Variants in UPK1A observed in about 807,000 individuals in gnomAD.
The protein encoded by UPK1A is uroplakin-1a.
A neutral mutation model predicts 32.3 loss-of-function variants in UPK1A; 31 were observed. The observed-to-expected ratio is 0.96, with a 90% CI of 0.72 to 1.30. The LOEUF is 1.30. UPK1A is among the 50% of genes most tolerant of loss of function. The pLI, the probability that UPK1A is intolerant of heterozygous loss-of-function variation, is 0.00. For synonymous variants in UPK1A, 135 were observed against 137.1 expected, an observed-to-expected ratio of 0.98 and a Z score of 0.11; for missense variants, 340 against 357.4, an observed-to-expected ratio of 0.95 and a Z score of 0.39.
intron 1 of UPK1A, 81 bp from the exon 2 acceptor site, chr19:35,666,728 C>G (rs890217656): frequency 2.8e-6 from 4 of 1,437,172 alleles, no homozygotes; most frequent in Non-Finnish European, 3.9e-6. Context: ...AGCAACCCCT[C>G]GAAGCCAGGG....
At chr19:35,673,359 G>A (rs1420607968) in intron 4 of UPK1A, 53 bp downstream of exon 4, 3 of 1,611,544 alleles carry the variant, frequency 1.9e-6, no homozygotes, top group Non-Finnish European at 2.5e-6. Flanking sequence ...AGGGGCGAGG[G>A]TCCCGGCGCG....
intron 5 of UPK1A, among the ~76,000 whole-genome samples, chr19:35,675,068 A>G (rs1968161416): frequency 6.6e-6 from 1 of 151,604 alleles, no homozygotes; most frequent in African/African-American, 2.4e-5. Context: ...AAGAAGAAGA[A>G]ATTGAGGACT....
At chr19:35,677,940 G>A in intron 7 of UPK1A, 35 bp from the exon 8 acceptor site, 2 of 1,586,066 alleles carry the variant, frequency 1.3e-6, no homozygotes, top group Non-Finnish European at 1.7e-6. Context: ...GGGGGTGGGG[G>A]GCGGAGTGCC....
At chr19:35,671,386 CAAA>C (rs370178140) in intron 3 of UPK1A, among the ~76,000 whole-genome samples, 1 of 88,692 alleles carries the variant, frequency 1.1e-5, no homozygotes. Context: ...GACTCTGTCT[CAAA>C]AAAAAAAAAA....
intron 5 of UPK1A, among the ~76,000 whole-genome samples, chr19:35,674,451 A>G (rs1440749293): frequency 6.6e-6 from 1 of 151,692 alleles, no homozygotes; most frequent in Non-Finnish European, 1.5e-5. Context: ...GTTAGCCAGG[A>G]TGGTCTTGAT....
intron 3 of UPK1A, among the ~76,000 whole-genome samples, chr19:35,669,319 A>G (rs1334781444): frequency 6.6e-6 from 1 of 151,872 alleles, no homozygotes; most frequent in Non-Finnish European, 1.5e-5. Context: ...AGAATAACCC[A>G]TACTTCCCAA....
chr19:35,669,161 A>T (rs1968047838), intron 3 of UPK1A, among the ~76,000 whole-genome samples: 1 of 152,148 alleles, frequency 6.6e-6, no homozygotes, highest in Admixed American at 6.6e-5. Context: ...AGATACTGTC[A>T]TCATCATGAC....
At position 35,676,223 on chromosome 19, in the gene UPK1A, C is replaced by T. The variant is rs114815955; in HGVS notation, c.648+204C>T. 635 of 682,868 alleles carry T rather than the reference C, an allele frequency of 9.3e-4. 3 individuals are homozygous for T. The highest frequency in any genetic ancestry group is 8.6e-3 in the African/African-American group (456 of 52,976). 42.3% of individuals were successfully genotyped at this position (682,868 alleles called of 1,614,324 possible). ...TTTTTTTTTTCAAGACCGAGTCCTGCTCTGTCACCCAGGCTGGAGTACAGT... is the reference window on the plus strand; with the variant it reads ...TTTTTTTTTTCAAGACCGAGTCCTGTTCTGTCACCCAGGCTGGAGTACAGT... On this transcript the variant is annotated intron_variant, in intron 6 of 7. Transcript: ENST00000617999.
intron 6 of UPK1A, 172 bp downstream of exon 6, chr19:35,676,191 C>CTT: frequency 2.6e-6 from 2 of 773,696 alleles, no homozygotes; most frequent in Non-Finnish European, 3.9e-6. Context: ...TTCTTTCTTT[C>CTT]TTTCTTTTTT....
chr19:35,671,319 G>A (rs1412355851), intron 3 of UPK1A, among the ~76,000 whole-genome samples: 2 of 142,226 alleles, frequency 1.4e-5, no homozygotes, highest in African/African-American at 5.3e-5. Flanking sequence ...CCCGGGAGGC[G>A]CAGCTTGCAG....
intron 2 of UPK1A, among the ~76,000 whole-genome samples, chr19:35,667,304 GTTTTTTGTTTTGTTT>G (rs1411261163): frequency 1.5e-5 from 2 of 136,190 alleles, no homozygotes; most frequent in African/African-American, 5.8e-5. Flanking sequence ...TTGGTTTTGT[GTTTTTTGTTTTGTTT>G]TGTTTTGTTT....
At position 35,673,553 on chromosome 19, in the gene UPK1A, G is replaced by T. The variant is rs780167783; in HGVS notation, c.468+8G>T. ...GACCGCGTCATGATTGAGGTGGGCG[G>T]GGTGGACCGGGTGCTGGGAGGGCCC... On this transcript the variant is annotated splice_region_variant and intron_variant, in intron 5 of 7. Coordinates refer to ENST00000617999, the Ensembl canonical transcript of UPK1A. 6 of 1,612,146 alleles carry T rather than the reference G, an allele frequency of 3.7e-6. No homozygotes were observed. In the Admixed American group the frequency reaches 1.0e-4, roughly 27 times the overall value.
chr19:35,676,878 G>A (rs902593618), intron 6 of UPK1A, among the ~76,000 whole-genome samples: 5 of 150,926 alleles, frequency 3.3e-5, no homozygotes, highest in Non-Finnish European at 5.9e-5. Context: ...CAGCCTGGGC[G>A]ACAGAGTGAA....
intron 3 of UPK1A, among the ~76,000 whole-genome samples, chr19:35,672,345 T>C (rs1968114379): frequency 6.6e-6 from 1 of 152,072 alleles, no homozygotes; most frequent in Admixed American, 6.6e-5. Context: ...CATTGCAACC[T>C]CTGCCTCCTG....
intron 3 of UPK1A, 68 bp from the exon 4 acceptor site, chr19:35,673,164 A>G: frequency 6.5e-7 from 1 of 1,535,680 alleles, no homozygotes; most frequent in South Asian, 1.1e-5. Context: ...TTCCCCAGTG[A>G]TGCTTCCCTG....
At chr19:35,667,491 C>G (rs78390914) in intron 2 of UPK1A, among the ~76,000 whole-genome samples, 15,021 of 146,394 alleles carry the variant, frequency 0.1, 878 homozygotes, top group East Asian at 0.23. Flanking sequence ...CACCACCACG[C>G]CCGGCTAATT....
chr19:35,677,433 G>C (rs1599633887), intron 6 of UPK1A, among the ~76,000 whole-genome samples: 1 of 151,984 alleles, frequency 6.6e-6, no homozygotes, highest in Non-Finnish European at 1.5e-5. Context: ...GGCTGAGGCA[G>C]GAGAATTGCT....
intron 5 of UPK1A, 137 bp from the exon 6 acceptor site, chr19:35,675,703 C>A: frequency 9.9e-7 from 1 of 1,009,970 alleles, no homozygotes; most frequent in Non-Finnish European, 1.4e-6. Flanking sequence ...GACACACTCG[C>A]TTGGAGGCCC....
At chr19:35,677,600 G>A (rs2146390576) in intron 6 of UPK1A, among the ~76,000 whole-genome samples, 1 of 152,048 alleles carries the variant, frequency 6.6e-6, no homozygotes, top group African/African-American at 2.4e-5. Flanking sequence ...CAGCAGGGCG[G>A]CACCTACTTG....
Sources: gnomAD v4.1 joint callset for allele counts (sites outside exome capture counted in the v4.1 genomes callset) on GRCh38, gnomAD v4.1.1 for gene constraint, MANE v1.5 for transcripts, NCBI Gene and HGNC (gene_info 2026-07-23, HGNC 2026-07-21) for gene names.